Variants in RSPH9 observed in about 807,000 individuals in gnomAD.
RSPH9 encodes radial spoke head protein 9 homolog.
RSPH9 carries 27 observed loss-of-function variants against 27.0 expected under a neutral mutation model. That is an observed-to-expected ratio of 1.00 (90% confidence interval 0.74 to 1.38). The LOEUF (loss-of-function observed/expected upper bound fraction) is 1.38, where lower values mean the gene tolerates loss of function less well. RSPH9 is among the 40% of genes most tolerant of loss of function. The pLI is 0.00. For synonymous variants in RSPH9, 145 were observed against 147.7 expected, an observed-to-expected ratio of 0.98 and a Z score of 0.13; for missense variants, 347 against 357.4, an observed-to-expected ratio of 0.97 and a Z score of 0.24.
In RSPH9 at chr6:43,650,455, T is replaced by C. The variant is rs1370712926; in HGVS notation, c.308T>C (p.Phe103Ser). ...VAQSSVVKGR[F>S]MGDPSYEYEH... ...CAGTCGTCTGTGGTGAAGGGCCGCT[T>C]CATGGGGGACCCATCATACGAATAT... Residue 103 changes from phenylalanine (F) to serine (S), a missense_variant, in exon 2 of 5, where the codon TTC (phenylalanine) becomes TCC (serine). Physicochemically the swap from Phe to Ser is radical, Grantham distance 155. Transcript: ENST00000372163. 1.2e-6 allele frequency: 2 copies of C among 1,614,072 alleles called. No individual in the cohort carries two copies. The highest frequency in any genetic ancestry group is 1.7e-6 in the Non-Finnish European group (2 of 1,180,040).
At chr6:43,649,176 GTTTTGT>G (rs1216471237) in intron 1 of RSPH9, among the ~76,000 whole-genome samples, 5 of 151,624 alleles carry the variant, frequency 3.3e-5, no homozygotes, top group South Asian at 2.1e-4. Flanking sequence ...GTTTTTTTTT[GTTTTGT>G]TTTTGTTTTT....
intron 4 of RSPH9, among the ~76,000 whole-genome samples, chr6:43,667,507 A>G (rs1582398884): frequency 6.6e-6 from 1 of 152,164 alleles, no homozygotes; most frequent in Admixed American, 6.5e-5. Context: ...TGAGGCGGGC[A>G]TGGGCGCGGG....
chr6:43,659,225 C>CT (rs56790116), intron 4 of RSPH9, among the ~76,000 whole-genome samples: 16,470 of 144,498 alleles, frequency 0.11, 1,680 homozygotes, highest in African/African-American at 0.28. Flanking sequence ...CCACTGAAGT[C>CT]TTTTTTTTTT....
intron 2 of RSPH9, among the ~76,000 whole-genome samples, chr6:43,650,966 CT>C (rs35382196): frequency 8.1e-4 from 116 of 142,374 alleles, no homozygotes; most frequent in Admixed American, 7.0e-4. Context: ...TCATTATTTC[CT>C]TTTTTTTTTT....
intron 1 of RSPH9, among the ~76,000 whole-genome samples, chr6:43,646,218 G>A (rs1365141836): frequency 6.6e-6 from 1 of 151,938 alleles, no homozygotes; most frequent in Non-Finnish European, 1.5e-5. Flanking sequence ...TGCAAGCTCC[G>A]CCTCCTGGGT....
At chr6:43,668,854 C>T (rs778847652) in intron 4 of RSPH9, among the ~76,000 whole-genome samples, 23 of 152,202 alleles carry the variant, frequency 1.5e-4, no homozygotes, top group Admixed American at 7.2e-4. Context: ...TGGTCCCTGA[C>T]GATACTCTAG....
intron 1 of RSPH9, among the ~76,000 whole-genome samples, chr6:43,648,230 T>C (rs1771090229): frequency 6.6e-6 from 1 of 151,592 alleles, no homozygotes; most frequent in Admixed American, 6.6e-5. Context: ...GATCGCACCA[T>C]TGCACTCCAG....
At chr6:43,666,506 C>G (rs1390536628) in intron 4 of RSPH9, 6 of 1,548,894 alleles carry the variant, frequency 3.9e-6, no homozygotes, top group Non-Finnish European at 5.2e-6. Context: ...GGGACTCCTG[C>G]TCTGTGTCCA....
chr6:43,670,929 G>A lies in RSPH9; in HGVS notation c.811G>A (p.Asp271Asn). 1 of 1,614,212 alleles carries A rather than the reference G, an allele frequency of 6.2e-7. No individual in the cohort carries two copies. The highest frequency in any genetic ancestry group is 2.2e-5 in the East Asian group (1 of 44,876). ...CGTGGGCACTGGCGAGAAGAACATGGACTTGCCCTTCATGCTATAGAATGG... is the reference window on the plus strand; with the variant it reads ...CGTGGGCACTGGCGAGAAGAACATGAACTTGCCCTTCATGCTATAGAATGG... Reference protein sequence around the residue: ...VYVGTGEKNMDLPFML With the variant: ...VYVGTGEKNMNLPFML Residue 271 changes from aspartate (D) to asparagine (N), a missense_variant, in exon 5 of 5, where the codon GAC becomes AAC. By Grantham distance (23) the Asp-to-Asn change is conservative. Coordinates refer to ENST00000372163, the MANE Select transcript of RSPH9 (RefSeq NM_152732.5).
chr6:43,671,883 C>T lies in RSPH9; in HGVS notation c.*934C>T. The T allele has an allele frequency of 1.2e-6, 2 of 1,612,400 alleles. No homozygotes were observed. Among genetic ancestry groups the T allele is most frequent in the South Asian group, 1.1e-5 (1 of 90,890 alleles). On this transcript the variant is annotated 3_prime_UTR_variant, in exon 5 of 5. Coordinates refer to ENST00000372163, the MANE Select transcript of RSPH9 (RefSeq NM_152732.5). ...TTTTTTGTAGATGGGCTTGACGGAG[C>T]CAGGAGCCCAGCGCGTCAGGTACCT...
At chr6:43,668,117 GA>G (rs1773330889) in intron 4 of RSPH9, among the ~76,000 whole-genome samples, 1 of 152,156 alleles carries the variant, frequency 6.6e-6, no homozygotes, top group Non-Finnish European at 1.5e-5. Context: ...GGGGAGAGAA[GA>G]GAGAGCGGGG....
chr6:43,671,138 TGAAA>T lies in RSPH9; in HGVS notation c.*192_*195del, dbSNP rs1773674943. 3.0e-6 allele frequency: 2 copies of T among 669,020 alleles called. No homozygotes were observed. 41.4% of individuals were successfully genotyped at this position (669,020 alleles called of 1,614,324 possible). ...TGGCAGAGGGGTTGGAATGTGCTAA[TGAAA>T]GAGATTCTAGACAACGATGGGTGGA... is the stretch of plus-strand genomic sequence containing the variant. On this transcript the variant is annotated 3_prime_UTR_variant, in exon 5 of 5. Coordinates refer to ENST00000372163, the MANE Select transcript of RSPH9 (RefSeq NM_152732.5).
chr6:43,669,371 CTGAG>C (rs1469711302), intron 4 of RSPH9, among the ~76,000 whole-genome samples: 2 of 152,346 alleles, frequency 1.3e-5, no homozygotes, highest in East Asian at 3.9e-4. Flanking sequence ...CGGCTGCACC[CTGAG>C]TAAGGGTGCA....
intron 4 of RSPH9, among the ~76,000 whole-genome samples, chr6:43,664,786 C>T (rs1425239253): frequency 2.0e-5 from 3 of 152,152 alleles, no homozygotes; most frequent in Admixed American, 2.0e-4. Flanking sequence ...GCATTTCTCG[C>T]CCATCAGACA....
At chr6:43,668,552 C>T (rs1214633721) in intron 4 of RSPH9, among the ~76,000 whole-genome samples, 1 of 152,172 alleles carries the variant, frequency 6.6e-6, no homozygotes, top group Non-Finnish European at 1.5e-5. Flanking sequence ...CCACTTCGTC[C>T]AAGAACACTG....
intron 2 of RSPH9, among the ~76,000 whole-genome samples, chr6:43,653,609 C>A (rs1021523846): frequency 2.6e-5 from 4 of 152,164 alleles, no homozygotes; most frequent in Admixed American, 1.3e-4. Context: ...GCACTTGAAC[C>A]TGGGTGATGC....
At chr6:43,645,455 A>T in intron 1 of RSPH9, 130 bp downstream of exon 1, 5 of 733,598 alleles carry the variant, frequency 6.8e-6, no homozygotes, top group East Asian at 3.3e-5. Context: ...ATCTGAGATG[A>T]GTGGAATGGG....
At chr6:43,656,012 C>CCTTCCTTG (rs1342690161) in intron 3 of RSPH9, among the ~76,000 whole-genome samples, 2 of 132,208 alleles carry the variant, frequency 1.5e-5, no homozygotes, top group Admixed American at 7.3e-5. Context: ...TTCCTTCCTT[C>CCTTCCTTG]CTTCCTTCCT....
In RSPH9 at chr6:43,650,496, C is replaced by G; in HGVS notation, c.349C>G (p.Gln117Glu). The G allele has an allele frequency of 6.2e-7, 1 of 1,614,124 alleles. No individual in the cohort carries two copies. Among genetic ancestry groups the G allele is most frequent in the Non-Finnish European group, 8.5e-7 (1 of 1,180,032 alleles). Residue 117 changes from glutamine to glutamate, a missense_variant, in exon 2 of 5, where the codon CAG becomes GAG. Physicochemically the swap from Gln to Glu is conservative, Grantham distance 29. Coordinates refer to ENST00000372163, the MANE Select transcript of RSPH9 (RefSeq NM_152732.5). Reference protein sequence around the residue: ...PSYEYEHTELQKVNEGEKVFE... With the variant: ...PSYEYEHTELEKVNEGEKVFE... ...ATACGAATATGAACACACTGAGCTGCAGAAGGTGAATGAAGGTGAAAAAGT... is the reference window on the plus strand; with the variant it reads ...ATACGAATATGAACACACTGAGCTGGAGAAGGTGAATGAAGGTGAAAAAGT...
Sources: allele counts gnomAD v4.1 joint callset (sites outside exome capture counted in the v4.1 genomes callset), GRCh38; gene constraint gnomAD v4.1.1; transcripts MANE v1.5; gene names NCBI Gene and HGNC (gene_info 2026-07-23, HGNC 2026-07-21).